The following MAP2K4 variants were observed in gnomAD, a reference collection of about 807,000 sequenced individuals.
The protein encoded by MAP2K4 is dual specificity mitogen-activated protein kinase kinase 4.
Under a neutral mutation model 48.5 loss-of-function variants are expected in MAP2K4, and 4 were observed. The observed-to-expected ratio is 0.08, with a 90% CI of 0.04 to 0.19. MAP2K4 has a LOEUF of 0.19. MAP2K4 is among the 10% of genes least tolerant of loss of function. MAP2K4 has a pLI of 1.00. For synonymous variants in MAP2K4, 166 were observed against 173.1 expected, an observed-to-expected ratio of 0.96 and a Z score of 0.32; for missense variants, 258 against 493.3, an observed-to-expected ratio of 0.52 and a Z score of 4.52.
chr17:12,069,742 A>G (rs1970726191), intron 2 of MAP2K4: 1 of 1,100,682 alleles, frequency 9.1e-7, no homozygotes, highest in African/African-American at 1.7e-5. Flanking sequence ...TTTACTGTGG[A>G]AATTTCCGGA....
chr17:12,142,549 G>C lies in MAP2K4; in HGVS notation c.*1289G>C, dbSNP rs902487359. 8 of 232,984 alleles carry C rather than the reference G, an allele frequency of 3.4e-5. No homozygotes were observed. Among genetic ancestry groups the C allele is most frequent in the Non-Finnish European group, 5.9e-5 (7 of 117,948 alleles). The allele number at this position is 232,984 out of a possible 1,614,324, so 14.4% of individuals were successfully genotyped here. On this transcript the variant is annotated 3_prime_UTR_variant, in exon 11 of 11. Coordinates refer to ENST00000353533, the MANE Select transcript of MAP2K4 (RefSeq NM_003010.4). ...AAGAATAGTGGGGCCCAGCCGATGT[G>C]GTAGGTGATAAAGAGGCATCTTTTC...
chr17:12,057,535 T>C (rs1182837498), intron 2 of MAP2K4, among the ~76,000 whole-genome samples: 1 of 152,216 alleles, frequency 6.6e-6, no homozygotes, highest in Non-Finnish European at 1.5e-5. Context: ...TCTTCCCATG[T>C]ATCAGATTAA....
chr17:12,110,584 TA>T, intron 6 of MAP2K4, 158 bp downstream of exon 6: 2 of 574,234 alleles, frequency 3.5e-6, no homozygotes, highest in South Asian at 5.0e-5. Context: ...CTATTACTGC[TA>T]TTTTTTTCTT....
intron 6 of MAP2K4, 189 bp downstream of exon 6, chr17:12,110,615 GTCTA>G (rs1395212503): frequency 1.4e-5 from 8 of 555,998 alleles, no homozygotes; most frequent in Non-Finnish European, 2.6e-5. Flanking sequence ...ATAAATTTCA[GTCTA>G]TCTTAGTATG....
rs549171393 is a variant in MAP2K4 at position 12,111,435 on chromosome 17, AC to A, written c.685+1010del. 2.0e-5 allele frequency among the ~76,000 whole-genome samples: 3 copies of A among 151,536 alleles called. 1 individual carries two copies. In the South Asian group the frequency reaches 6.3e-4, roughly 32 times the overall value. ...AAATTATGTAGAGTTAGGTCCCTAA[AC>A]AAAATTCTTTGTTTCTCTTGTATTT... On this transcript the variant is annotated intron_variant, in intron 6 of 10. Transcript: ENST00000353533.
At chr17:12,125,246 C>T (rs768183469) in intron 7 of MAP2K4, 48 bp from the exon 8 acceptor site, 1 of 1,408,882 alleles carries the variant, frequency 7.1e-7, no homozygotes, top group Non-Finnish European at 1.0e-6. Flanking sequence ...TTTGCCTATT[C>T]CTTGAGTGTA....
intron 2 of MAP2K4, among the ~76,000 whole-genome samples, chr17:12,068,323 T>C (rs917371061): frequency 4.6e-5 from 7 of 152,196 alleles, no homozygotes; most frequent in African/African-American, 1.4e-4. Context: ...TTTAAACTGA[T>C]TATTTACAGT....
chr17:12,068,377 G>A (rs1207144847), intron 2 of MAP2K4, among the ~76,000 whole-genome samples: 2 of 152,150 alleles, frequency 1.3e-5, no homozygotes, highest in Non-Finnish European at 2.9e-5. Flanking sequence ...TGTACTGAAA[G>A]GAGGTAAGAA....
At chr17:12,091,332 A>G (rs547521650) in intron 3 of MAP2K4, among the ~76,000 whole-genome samples, 14 of 152,284 alleles carry the variant, frequency 9.2e-5, no homozygotes, top group African/African-American at 1.9e-4. Context: ...GGACATTTCT[A>G]TATGATTGGG....
intron 2 of MAP2K4, among the ~76,000 whole-genome samples, chr17:12,076,277 T>TTC (rs1260317365): frequency 1.1e-4 from 10 of 90,474 alleles, no homozygotes; most frequent in Admixed American, 3.4e-4. Context: ...TATGTCACAG[T>TTC]TCTGTGTGTG....
In MAP2K4 at chr17:12,097,456, G is replaced by C. The variant is rs757655337; in HGVS notation, c.513+1762G>C. 2.2e-4 allele frequency among the ~76,000 whole-genome samples: 33 copies of C among 152,350 alleles called. 1 individual carries two copies. The highest frequency in any genetic ancestry group is 2.5e-4 in the Non-Finnish European group (17 of 68,040). ...AATCTGATTGTATGAAAAGAAAGCA[G>C]AGTAAGTCATATTCATGATTGACAA... On this transcript the variant is annotated intron_variant, in intron 4 of 10. Transcript: ENST00000353533.
intron 4 of MAP2K4, among the ~76,000 whole-genome samples, chr17:12,101,864 G>T (rs1048845249): frequency 1.3e-5 from 2 of 151,954 alleles, no homozygotes; most frequent in Admixed American, 1.3e-4. Context: ...TTGATCTTGT[G>T]TGCAGCAACC....
chr17:12,101,975 C>A (rs1420009394), intron 4 of MAP2K4, among the ~76,000 whole-genome samples: 1 of 151,832 alleles, frequency 6.6e-6, no homozygotes, highest in African/African-American at 2.4e-5. Flanking sequence ...CCTTTCTTTC[C>A]CAATTAGTTC....
At chr17:12,128,490 CG>C (rs752487008) in intron 8 of MAP2K4, among the ~76,000 whole-genome samples, 156 of 152,146 alleles carry the variant, frequency 1.0e-3, no homozygotes, top group South Asian at 2.9e-3. Flanking sequence ...TTGGGACATA[CG>C]TAAGACTCTT....
chr17:12,025,575 A>G (rs1351393470), intron 1 of MAP2K4, among the ~76,000 whole-genome samples: 1 of 152,200 alleles, frequency 6.6e-6, no homozygotes, highest in Non-Finnish European at 1.5e-5. Flanking sequence ...GTTAGAAAGT[A>G]TATGTTGTAG....
chr17:12,085,548 G>A (rs1279721484), intron 3 of MAP2K4, among the ~76,000 whole-genome samples: 2 of 151,994 alleles, frequency 1.3e-5, no homozygotes, highest in South Asian at 2.1e-4. Flanking sequence ...TGCCTAACTT[G>A]TCTTGTTCTT....
At chr17:12,059,685 A>G (rs946703759) in intron 2 of MAP2K4, among the ~76,000 whole-genome samples, 2 of 152,202 alleles carry the variant, frequency 1.3e-5, no homozygotes, top group African/African-American at 4.8e-5. Context: ...TGTTTATTAC[A>G]TTGGAACAGA....
At chr17:12,045,047 T>C (rs1418720634) in intron 1 of MAP2K4, among the ~76,000 whole-genome samples, 4 of 152,258 alleles carry the variant, frequency 2.6e-5, no homozygotes, top group Non-Finnish European at 5.9e-5. Context: ...CCTCAATTTG[T>C]GTGCTGTTGT....
At chr17:12,060,163 C>T (rs545069567) in intron 2 of MAP2K4, among the ~76,000 whole-genome samples, 96 of 150,178 alleles carry the variant, frequency 6.4e-4, no homozygotes, top group African/African-American at 2.2e-3. Context: ...GAGACTCTGT[C>T]TCTATTAAAA....
Sources: gnomAD v4.1 joint callset for allele counts (sites outside exome capture counted in the v4.1 genomes callset) on GRCh38, gnomAD v4.1.1 for gene constraint, MANE v1.5 for transcripts, NCBI Gene and HGNC (gene_info 2026-07-23, HGNC 2026-07-21) for gene names.